Variants in TECR observed in about 807,000 individuals in gnomAD.
TECR encodes the protein very-long-chain enoyl-CoA reductase.
TECR carries 19 observed loss-of-function variants against 50.6 expected under a neutral mutation model. That is an observed-to-expected ratio of 0.38 (90% confidence interval 0.26 to 0.55). The LOEUF (loss-of-function observed/expected upper bound fraction) is 0.55. TECR is among the 20% of genes least tolerant of loss of function. The pLI is 0.79. For missense variants in TECR, 313 were observed against 408.3 expected (o/e 0.77, Z 2.01); for synonymous variants, 168 against 163.5 (o/e 1.03, Z -0.21).
At chr19:14,560,165 G>A (rs981464558) in intron 1 of TECR, among the ~76,000 whole-genome samples, 1 of 152,214 alleles carries the variant, frequency 6.6e-6, no homozygotes, top group South Asian at 2.1e-4. Context: ...GCAGCTAGCC[G>A]GGACCCCGAT....
intron 1 of TECR, among the ~76,000 whole-genome samples, chr19:14,552,874 G>A (rs2073583880): frequency 6.6e-6 from 1 of 151,986 alleles, no homozygotes; most frequent in African/African-American, 2.4e-5. Context: ...GGCCTGGGTG[G>A]CAGTCTCAGC....
Position 14,560,292 on chromosome 19 carries a change from A to G in TECR, c.16-2233A>G, listed in dbSNP as rs933725874. On this transcript the variant is annotated intron_variant, in intron 1 of 12. Transcript: ENST00000215567. ...AGGGAGAGGGGCTGGTTGTATTTTAAGCTGTTGAGTGGTTCAGCAGGAACT... is the reference window on the plus strand; with the variant it reads ...AGGGAGAGGGGCTGGTTGTATTTTAGGCTGTTGAGTGGTTCAGCAGGAACT... Among the ~76,000 whole-genome samples, 4 of 152,236 alleles carry G rather than the reference A, an allele frequency of 2.6e-5. No individual in the cohort carries two copies. In the East Asian group the frequency reaches 7.7e-4, roughly 29 times the overall value.
chr19:14,541,562 GA>G (rs1432622203), intron 1 of TECR, among the ~76,000 whole-genome samples: 1 of 152,314 alleles, frequency 6.6e-6, no homozygotes, highest in Middle Eastern at 3.4e-3. Flanking sequence ...ATCGTGGGAT[GA>G]ACGAACCACA....
chr19:14,563,342 C>CAGAG lies in TECR; in HGVS notation c.118+85_118+86insAGAG. Reference sequence around the variant, plus strand: ...GGGAGGGATCCCATCCTGCACCCCTCTCCCAGGGGCCTGCAGAGATGCCCC... The same window carrying CAGAG: ...GGGAGGGATCCCATCCTGCACCCCTCAGAGTCCCAGGGGCCTGCAGAGATGCCCC... On this transcript the variant is annotated intron_variant, in intron 3 of 12. Coordinates refer to ENST00000215567, the MANE Select transcript of TECR (RefSeq NM_138501.6). This position sits in a 1 kb window ranked among gnomAD's most constrained non-coding sequence, Gnocchi z 5.3. 1 of 1,305,944 alleles carries CAGAG rather than the reference C, an allele frequency of 7.7e-7. No homozygotes were observed. The allele number at this position is 1,305,944 out of a possible 1,614,324, so 80.9% of individuals were successfully genotyped here.
At chr19:14,540,065 T>C (rs1475608274) in intron 1 of TECR, among the ~76,000 whole-genome samples, 2 of 148,358 alleles carry the variant, frequency 1.3e-5, no homozygotes, top group Non-Finnish European at 3.0e-5. Context: ...TTTATTTAAT[T>C]TTTTTTTTTT....
chr19:14,545,315 C>T (rs1195848914), intron 1 of TECR: 1 of 410,878 alleles, frequency 2.4e-6, no homozygotes, highest in Non-Finnish European at 4.9e-6. Context: ...CCTTTGCATT[C>T]CCCGCCAGGG....
At chr19:14,556,402 C>T (rs2073722111) in intron 1 of TECR, among the ~76,000 whole-genome samples, 1 of 76,454 alleles carries the variant, frequency 1.3e-5, no homozygotes, top group East Asian at 2.7e-4. Flanking sequence ...GACAGCGAGA[C>T]TCTCTCAAAA....
In TECR at chr19:14,565,132, C is replaced by T; in HGVS notation, c.664+9C>T. On this transcript the variant is annotated intron_variant, in intron 10 of 12. Transcript: ENST00000215567. ...GGACCTGCGGCCCGCTGGTGAGTGCCTGCTGGGGGCAGGGGGACAGCTGGG... is the reference window on the plus strand; with the variant it reads ...GGACCTGCGGCCCGCTGGTGAGTGCTTGCTGGGGGCAGGGGGACAGCTGGG... The T allele has an allele frequency of 6.2e-7, 1 of 1,613,802 alleles. No homozygotes were observed. Among genetic ancestry groups the T allele is most frequent in the East Asian group, 2.2e-5 (1 of 44,880 alleles).
intron 1 of TECR, among the ~76,000 whole-genome samples, chr19:14,552,199 T>C (rs1341049988): frequency 2.7e-5 from 4 of 148,836 alleles, no homozygotes; most frequent in African/African-American, 9.9e-5. Context: ...AGATAGCGTG[T>C]CTTCTGTCCC....
chr19:14,563,966 C>T lies in TECR; in HGVS notation c.268-16C>T. On this transcript the variant is annotated splice_polypyrimidine_tract_variant and intron_variant, in intron 5 of 12. Transcript: ENST00000215567. This position sits in a 1 kb window ranked among gnomAD's most constrained non-coding sequence, Gnocchi z 5.3. The stretch of plus-strand genomic sequence containing the variant: ...AGCCACGTTGGGTGACTCATCTTGC[C>T]CCCCTCTACTCTCAGGTCTTCCTAA... 6.2e-7 allele frequency: 1 copy of T among 1,613,968 alleles called. No homozygotes were observed. Among genetic ancestry groups the T allele is most frequent in the South Asian group, 1.1e-5 (1 of 91,086 alleles).
chr19:14,546,411 A>AC (rs966884135), intron 1 of TECR, among the ~76,000 whole-genome samples: 10 of 151,370 alleles, frequency 6.6e-5, no homozygotes, highest in African/African-American at 2.4e-4. Flanking sequence ...ACATGCTGAA[A>AC]CCCCTCTTCT....
At chr19:14,532,695 C>G (rs537002294) in intron 1 of TECR, among the ~76,000 whole-genome samples, 1 of 151,944 alleles carries the variant, frequency 6.6e-6, no homozygotes, top group Non-Finnish European at 1.5e-5. Flanking sequence ...CCCGGCCCAG[C>G]GGATTGCATA....
rs528043979 is a variant in TECR at position 14,541,348 on chromosome 19, A to G, written c.15+11637A>G. ...CCTGCCCGTGGCTGTCCTGTTCCCC[A>G]TCATCTCAACCCTCCTGGCACAGCG... On this transcript the variant is annotated intron_variant, in intron 1 of 12. Coordinates refer to ENST00000215567, the MANE Select transcript of TECR (RefSeq NM_138501.6). 9.2e-5 allele frequency among the ~76,000 whole-genome samples: 14 copies of G among 152,236 alleles called. No individual in the cohort carries two copies. In the South Asian group the frequency reaches 2.9e-3, roughly 32 times the overall value.
At chr19:14,545,176 C>T in intron 1 of TECR, 1 of 456,758 alleles carries the variant, frequency 2.2e-6, no homozygotes, top group Non-Finnish European at 4.4e-6. Flanking sequence ...CCTCATTGCT[C>T]AAGGGTAAAA....
intron 6 of TECR, 32 bp from the exon 7 acceptor site, chr19:14,564,150 C>T: frequency 6.2e-7 from 1 of 1,606,128 alleles, no homozygotes; most frequent in Non-Finnish European, 8.5e-7. Context: ...CCTGCCGGAC[C>T]AGCCCCAGCT....
chr19:14,532,000 C>T (rs2072685564), intron 1 of TECR: 1 of 139,048 alleles, frequency 7.2e-6, no homozygotes, highest in Admixed American at 7.4e-5. Flanking sequence ...AACAGAGACC[C>T]TGTTTGAAGA....
At chr19:14,547,662 T>TA (rs919582722) in intron 1 of TECR, among the ~76,000 whole-genome samples, 9 of 30,938 alleles carry the variant, frequency 2.9e-4, no homozygotes, top group African/African-American at 8.8e-4. Flanking sequence ...GTACCTAATA[T>TA]TTTTTTTTTT....
chr19:14,531,009 T>A (rs1480395499), intron 1 of TECR: 1 of 152,206 alleles, frequency 6.6e-6, no homozygotes, highest in Non-Finnish European at 1.5e-5. Context: ...AATTGACTAC[T>A]CTAGGTACCT....
At chr19:14,556,425 C>CAAAAACAAAAAA (rs1455343160) in intron 1 of TECR, among the ~76,000 whole-genome samples, 4 of 150,250 alleles carry the variant, frequency 2.7e-5, no homozygotes, top group Non-Finnish European at 5.9e-5. Flanking sequence ...AAAACAAAAA[C>CAAAAACAAAAAA]AAAAAAAACC....
Sources: gnomAD v4.1 joint callset for allele counts (sites outside exome capture counted in the v4.1 genomes callset) on GRCh38, gnomAD v4.1.1 for gene constraint, Gnocchi (gnomAD v3.1) non-coding constraint, MANE v1.5 for transcripts, NCBI Gene and HGNC (gene_info 2026-07-23, HGNC 2026-07-21) for gene names.